The following HPSE2 variants were observed in gnomAD, a reference collection of about 807,000 sequenced individuals.
HPSE2 encodes the protein heparanase 2 (inactive).
HPSE2 carries 38 observed loss-of-function variants against 60.5 expected under a neutral mutation model. That is an observed-to-expected ratio of 0.63 (90% CI 0.48 to 0.82). HPSE2 has a LOEUF of 0.82. HPSE2 is among the 40% of genes least tolerant of loss of function. HPSE2 has a pLI of 0.00. For synonymous variants in HPSE2, 295 were observed against 293.2 expected (o/e 1.01, Z -0.06); for missense variants, 713 against 740.4 (o/e 0.96, Z 0.43).
intron 3 of HPSE2, among the ~76,000 whole-genome samples, chr10:98,781,707 G>T (rs1292173560): frequency 6.6e-6 from 1 of 151,448 alleles, no homozygotes; most frequent in African/African-American, 2.4e-5. Context: ...TATTAATGAG[G>T]AAGAGAATGA....
chr10:99,247,565 G>A, the HPSE2 span, among the ~76,000 whole-genome samples: 1 of 152,114 alleles, frequency 6.6e-6, no homozygotes, highest in Non-Finnish European at 1.5e-5. Context: ...GAATATAAAT[G>A]GTCTAAATGC....
At chr10:98,913,730 G>A (rs929481991) in intron 3 of HPSE2, among the ~76,000 whole-genome samples, 6 of 152,152 alleles carry the variant, frequency 3.9e-5, no homozygotes, top group Non-Finnish European at 8.8e-5. Context: ...GGAGATGCCT[G>A]AATTAGAGCA....
chr10:98,973,871 T>G (rs529211393), intron 3 of HPSE2, among the ~76,000 whole-genome samples: 18 of 151,824 alleles, frequency 1.2e-4, no homozygotes, highest in African/African-American at 3.1e-4. Flanking sequence ...GGGGGGGAGA[T>G]ATAATTTATT....
chr10:98,470,059 T>C (rs7085117), intron 11 of HPSE2, among the ~76,000 whole-genome samples: 22,524 of 152,084 alleles, frequency 0.15, 1,820 homozygotes, highest in African/African-American at 0.2. Flanking sequence ...AAGCATCCCC[T>C]TTACAGCAGT....
intron 3 of HPSE2, among the ~76,000 whole-genome samples, chr10:98,808,740 C>T (rs547918004): frequency 3.9e-4 from 59 of 152,246 alleles, no homozygotes; most frequent in South Asian, 3.7e-3. Flanking sequence ...GCTCACATTT[C>T]CCTAATTTTT....
chr10:99,052,722 C>T (rs1444860681), intron 3 of HPSE2, among the ~76,000 whole-genome samples: 1 of 151,912 alleles, frequency 6.6e-6, no homozygotes, highest in Non-Finnish European at 1.5e-5. Context: ...AAACTGACTC[C>T]TCACTGTAAA....
intron 9 of HPSE2, among the ~76,000 whole-genome samples, chr10:98,568,539 T>C (rs671247): frequency 1.6e-3 from 250 of 152,148 alleles, no homozygotes; most frequent in African/African-American, 5.5e-3. Flanking sequence ...GAGCAGTCTC[T>C]AGATTGTCCT....
At chr10:99,079,532 C>T (rs1181604179) in intron 3 of HPSE2, among the ~76,000 whole-genome samples, 2 of 152,128 alleles carry the variant, frequency 1.3e-5, no homozygotes, top group Admixed American at 6.5e-5. Context: ...CACCTATTCA[C>T]TCTGTGCTGA....
At chr10:99,286,337 T>G in the HPSE2 span, among the ~76,000 whole-genome samples, 1 of 152,188 alleles carries the variant, frequency 6.6e-6, no homozygotes, top group African/African-American at 2.4e-5. Context: ...TATCATCAGA[T>G]GAATGGATAA....
chr10:98,504,859 C>T (rs531210805), intron 9 of HPSE2, among the ~76,000 whole-genome samples: 1 of 151,144 alleles, frequency 6.6e-6, no homozygotes, highest in Non-Finnish European at 1.5e-5. Context: ...CTTTTCTTTG[C>T]CATTATTTCC....
intron 3 of HPSE2, among the ~76,000 whole-genome samples, chr10:98,982,830 T>G (rs1165500208): frequency 6.6e-6 from 1 of 152,208 alleles, no homozygotes; most frequent in African/African-American, 2.4e-5. Context: ...TTCTGATAGT[T>G]AATTATTGAG....
intron 2 of HPSE2, among the ~76,000 whole-genome samples, chr10:99,177,220 GA>G (rs146187653): frequency 7.5e-5 from 11 of 146,324 alleles, no homozygotes; most frequent in South Asian, 6.5e-4. Context: ...CAACTAATGG[GA>G]AAAAAAAAAC....
At chr10:99,193,470 A>C (rs1848289873) in intron 2 of HPSE2, among the ~76,000 whole-genome samples, 1 of 152,026 alleles carries the variant, frequency 6.6e-6, no homozygotes, top group Admixed American at 6.6e-5. Flanking sequence ...CTTTCCAATC[A>C]AAAGACATAC....
chr10:98,770,071 A>C (rs930609616), intron 3 of HPSE2, among the ~76,000 whole-genome samples: 1 of 152,174 alleles, frequency 6.6e-6, no homozygotes, highest in Non-Finnish European at 1.5e-5. Flanking sequence ...GACATATCTC[A>C]AAGTTCCCAG....
intron 9 of HPSE2, among the ~76,000 whole-genome samples, chr10:98,525,710 T>G (rs1354953773): frequency 2.0e-5 from 3 of 152,048 alleles, no homozygotes; most frequent in African/African-American, 7.2e-5. Flanking sequence ...ATCTCGCAAG[T>G]GCAGGAAGTG....
At chr10:99,301,052 C>A in the HPSE2 span, among the ~76,000 whole-genome samples, 1 of 152,274 alleles carries the variant, frequency 6.6e-6, no homozygotes, top group South Asian at 2.1e-4. Flanking sequence ...TTAATCCTTA[C>A]AATATTGACC....
At chr10:99,219,693 T>C (rs1392901984) in intron 2 of HPSE2, among the ~76,000 whole-genome samples, 1 of 152,212 alleles carries the variant, frequency 6.6e-6, no homozygotes, top group Non-Finnish European at 1.5e-5. Context: ...AGTTATAAAA[T>C]GGAGATGCCA....
intron 3 of HPSE2, among the ~76,000 whole-genome samples, chr10:98,759,241 T>G (rs1490092478): frequency 6.6e-6 from 1 of 152,090 alleles, no homozygotes; most frequent in Non-Finnish European, 1.5e-5. Flanking sequence ...GGTGCTATGC[T>G]TATTACCTGA....
the HPSE2 span, among the ~76,000 whole-genome samples, chr10:99,288,254 T>C: frequency 7.1e-4 from 108 of 152,170 alleles, 1 homozygote; most frequent in African/African-American, 2.6e-3. Context: ...ATCTAGAACA[T>C]GATGTTGAAC....
Sources: gnomAD v4.1 joint callset for allele counts (sites outside exome capture counted in the v4.1 genomes callset) on GRCh38, gnomAD v4.1.1 for gene constraint, MANE v1.5 for transcripts, NCBI Gene and HGNC (gene_info 2026-07-23, HGNC 2026-07-21) for gene names.